LINGO2: variants seen among roughly 807,000 people sequenced by gnomAD.
The protein encoded by LINGO2 is leucine rich repeat and Ig domain containing 2, also known as leucine-rich repeat and immunoglobulin-like domain-containing nogo receptor-interacting protein 2.
Under a neutral mutation model 30.6 loss-of-function variants are expected in LINGO2, and 14 were observed. That is an observed-to-expected ratio of 0.46 (90% CI 0.30 to 0.72). The LOEUF (loss-of-function observed/expected upper bound fraction) is 0.72. Ranked by LOEUF, LINGO2 falls within the 30% of genes least tolerant of loss-of-function variation. The pLI is 0.07. For missense variants in LINGO2, 729 were observed against 751.7 expected (o/e 0.97, Z 0.35); for synonymous variants, 317 against 288.5 (o/e 1.10, Z -1.00).
intron 4 of LINGO2, among the ~76,000 whole-genome samples, chr9:28,055,694 T>TTTTTGACA (rs1824901017): frequency 6.6e-6 from 1 of 152,200 alleles, no homozygotes; most frequent in Admixed American, 6.6e-5. Flanking sequence ...GCTTCTTTGT[T>TTTTTGACA]AACTACCTGT....
chr9:29,067,314 G>A, the LINGO2 span, among the ~76,000 whole-genome samples: 5 of 151,598 alleles, frequency 3.3e-5, no homozygotes, highest in African/African-American at 9.7e-5. Flanking sequence ...GTGATACACT[G>A]CAAGAGAAGA....
intron 4 of LINGO2, among the ~76,000 whole-genome samples, chr9:28,092,740 A>G (rs901901454): frequency 1.3e-5 from 2 of 152,034 alleles, no homozygotes; most frequent in African/African-American, 4.8e-5. Context: ...TAAAAAAGAA[A>G]AAACTGAAAG....
intron 4 of LINGO2, among the ~76,000 whole-genome samples, chr9:28,032,376 A>G (rs908918949): frequency 1.3e-5 from 2 of 152,154 alleles, no homozygotes; most frequent in Non-Finnish European, 2.9e-5. Context: ...CTGATCACAG[A>G]TGGGCTCCCA....
chr9:28,851,529 G>C, the LINGO2 span, among the ~76,000 whole-genome samples: 244 of 152,140 alleles, frequency 1.6e-3, 1 homozygote, highest in Middle Eastern at 0.01. Flanking sequence ...TCTTTGCCAT[G>C]TAAAGTAACA....
At chr9:28,717,022 G>A in the LINGO2 span, among the ~76,000 whole-genome samples, 36 of 152,056 alleles carry the variant, frequency 2.4e-4, no homozygotes, top group Admixed American at 1.4e-3. Context: ...TTTAATATAA[G>A]CTGTAAAAAC....
intron 1 of LINGO2, among the ~76,000 whole-genome samples, chr9:28,547,113 T>C (rs1228584008): frequency 1.3e-5 from 2 of 152,146 alleles, no homozygotes; most frequent in Non-Finnish European, 1.5e-5. Context: ...TCTCCATTTG[T>C]TCTATATCAA....
chr9:28,318,685 G>T (rs1824930580), intron 3 of LINGO2, among the ~76,000 whole-genome samples: 1 of 152,086 alleles, frequency 6.6e-6, no homozygotes, highest in Admixed American at 6.6e-5. Context: ...TGGCATTACT[G>T]GTCATGTGGG....
chr9:28,731,186 T>G, the LINGO2 span, among the ~76,000 whole-genome samples: 2 of 151,962 alleles, frequency 1.3e-5, no homozygotes, highest in African/African-American at 4.8e-5. Context: ...GCGAGATTTC[T>G]CCATGTTAGT....
chr9:28,054,571 T>A lies in LINGO2; in HGVS notation c.-86-42166A>T, dbSNP rs114616331. Among the ~76,000 whole-genome samples the A allele has an allele frequency of 4.4e-3, 670 of 152,250 alleles. 8 individuals are homozygous for A. The highest frequency in any genetic ancestry group is 0.015 in the African/African-American group (622 of 41,572). ...GTTCCATTAACTGTTTAAAAAATTT[T>A]AGAAGAAAAACTTACAACACTTGAT... On this transcript the variant is annotated intron_variant, in intron 4 of 5. Coordinates refer to ENST00000379992, the Ensembl canonical transcript of LINGO2.
the LINGO2 span, among the ~76,000 whole-genome samples, chr9:28,786,186 T>C: frequency 6.6e-6 from 1 of 152,206 alleles, no homozygotes; most frequent in East Asian, 1.9e-4. Context: ...ATATTATCTT[T>C]TCTATCAGAG....
the LINGO2 span, among the ~76,000 whole-genome samples, chr9:28,802,133 C>G: frequency 6.6e-6 from 1 of 151,848 alleles, no homozygotes. Context: ...CATAACTTTT[C>G]TAGTTTACCT....
At chr9:28,739,070 A>G in the LINGO2 span, among the ~76,000 whole-genome samples, 2 of 152,008 alleles carry the variant, frequency 1.3e-5, no homozygotes, top group African/African-American at 2.4e-5. Flanking sequence ...GATGATTTAT[A>G]AAAGTCCATT....
the LINGO2 span, among the ~76,000 whole-genome samples, chr9:29,145,040 G>C: frequency 6.2e-3 from 947 of 152,134 alleles, 14 homozygotes; most frequent in African/African-American, 0.022. Context: ...TTTTCTTTGA[G>C]GTTTTTGGTT....
chr9:28,818,342 C>A, the LINGO2 span, among the ~76,000 whole-genome samples: 2 of 152,074 alleles, frequency 1.3e-5, no homozygotes, highest in African/African-American at 4.8e-5. Context: ...TTTAATTAAC[C>A]TACCATATTA....
rs141357519 is a variant in LINGO2 at position 28,435,455 on chromosome 9, C to T, written c.-279+40485G>A. On this transcript the variant is annotated intron_variant, in intron 2 of 5. Transcript: ENST00000379992. ...TCATATTTCTAGGACAAAAACATGC[C>T]ATGTAATAGAAAAATAGGAGTTGCT... 1.0e-3 allele frequency among the ~76,000 whole-genome samples: 155 copies of T among 152,168 alleles called. 1 individual carries two copies. The highest frequency in any genetic ancestry group is 3.6e-3 in the African/African-American group (149 of 41,516).
chr9:27,963,675 T>G (rs567055214), intron 5 of LINGO2, among the ~76,000 whole-genome samples: 26 of 151,850 alleles, frequency 1.7e-4, no homozygotes, highest in South Asian at 8.3e-4. Context: ...TTTGTTTTTT[T>G]GAAGTCAGTA....
chr9:28,629,707 A>T (rs1340146392), intron 1 of LINGO2, among the ~76,000 whole-genome samples: 2 of 152,106 alleles, frequency 1.3e-5, no homozygotes, highest in Non-Finnish European at 2.9e-5. Flanking sequence ...CATCTGGCAG[A>T]TGGTAGAACT....
chr9:28,852,899 T>C, the LINGO2 span, among the ~76,000 whole-genome samples: 1 of 152,024 alleles, frequency 6.6e-6, no homozygotes, highest in Non-Finnish European at 1.5e-5. Context: ...AATCATAATG[T>C]TCCTCATTTA....
chr9:28,699,194 T>C, the LINGO2 span, among the ~76,000 whole-genome samples: 1 of 152,046 alleles, frequency 6.6e-6, no homozygotes. Flanking sequence ...TCTGTTGGTG[T>C]TGACAATGTA....
Sources: allele counts gnomAD v4.1 joint callset (sites outside exome capture counted in the v4.1 genomes callset), GRCh38; gene constraint gnomAD v4.1.1; transcripts MANE v1.5; gene names NCBI Gene and HGNC (gene_info 2026-07-23, HGNC 2026-07-21).